The following MYH2 variants were observed in gnomAD, a reference collection of about 807,000 sequenced individuals.
MYH2 encodes the protein myosin heavy chain 2.
MYH2 carries 139 observed loss-of-function variants against 228.1 expected under a neutral mutation model. The observed-to-expected ratio is 0.61, with a 90% CI of 0.53 to 0.70. The LOEUF is 0.70. Among genes scored for constraint, MYH2 ranks in the 30% least tolerant of loss-of-function variants. The pLI is 0.00. For synonymous variants in MYH2, 796 were observed against 871.1 expected, an observed-to-expected ratio of 0.91 and a Z score of 1.52; for missense variants, 1,809 against 2,357.5, an observed-to-expected ratio of 0.77 and a Z score of 4.82.
Position 10,531,788 on chromosome 17 carries a change from TCTTCAACAGAGG to T in MYH2, c.2530_2541del (p.Pro844_Lys847del). The stretch of plus-strand genomic sequence containing the variant: ...GCCATCTCCTTCTCAGTTTCTGCAC[TCTTCAACAGAGG>T]CTTGATCTTGAAGAAGAGTTTCATC... On this transcript the variant is annotated inframe_deletion, in exon 22 of 40. Transcript: ENST00000245503. The T allele has an allele frequency of 6.2e-7, 1 of 1,614,252 alleles. No homozygotes were observed.
Position 10,524,535 on chromosome 17 carries a change from C to G in MYH2, c.5106G>C (p.Glu1702Asp), listed in dbSNP as rs748252077. The change falls in exon 35 of 40, where the codon GAG becomes GAC. Residue 1702 changes from glutamate to aspartate, a missense_variant. This residue lies in a region of MYH2 where 278 missense variants were observed against 308.5 expected (regional missense o/e 0.90). Coordinates refer to ENST00000245503, the MANE Select transcript of MYH2 (RefSeq NM_017534.6). This position sits in a 1 kb window ranked among gnomAD's most constrained non-coding sequence, Gnocchi z 4.7. Reference sequence around the variant, plus strand: ...CCTGTTCTGCGATTTTTCTGCTCCTCTCTGTCTGTTCCAGAGTGGCCCGCA... The same window carrying G: ...CCTGTTCTGCGATTTTTCTGCTCCTGTCTGTCTGTTCCAGAGTGGCCCGCA... ...EELRATLEQT[E>D]RSRKIAEQEL... 3.1e-6 allele frequency: 5 copies of G among 1,614,230 alleles called. No homozygotes were observed. Among genetic ancestry groups the G allele is most frequent in the East Asian group, 4.5e-5 (2 of 44,880 alleles).
chr17:10,539,510 T>C lies in MYH2; in HGVS notation c.1200A>G (p.Lys400=). ...LQSLNSADLL[K]ALCYPRVKVG... ...CCTTGACCCTGGGGTAGCAGAGAGC[T>C]TTGAGCAGATCTGCAGAGTTCAGAC... Residue 400 remains lysine, a synonymous_variant, in exon 13 of 40, where the codon AAA becomes AAG. Coordinates refer to ENST00000245503, the MANE Select transcript of MYH2 (RefSeq NM_017534.6). 6.2e-7 allele frequency: 1 copy of C among 1,614,146 alleles called. No individual in the cohort carries two copies. The highest frequency in any genetic ancestry group is 8.5e-7 in the Non-Finnish European group (1 of 1,180,032).
intron 10 of MYH2, among the ~76,000 whole-genome samples, chr17:10,541,402 C>T (rs374780398): frequency 6.6e-6 from 1 of 152,262 alleles, no homozygotes; most frequent in East Asian, 1.9e-4. Context: ...GCCTGGTCTC[C>T]TTTAGCGCTC....
intron 14 of MYH2, among the ~76,000 whole-genome samples, chr17:10,538,372 T>C (rs2073507935): frequency 6.6e-6 from 1 of 152,072 alleles, no homozygotes; most frequent in Admixed American, 6.5e-5. Flanking sequence ...TACATTTGTA[T>C]TTTTAAAAAT....
intron 14 of MYH2, among the ~76,000 whole-genome samples, chr17:10,538,077 C>A (rs1480122102): frequency 6.6e-6 from 1 of 152,112 alleles, no homozygotes; most frequent in Non-Finnish European, 1.5e-5. Context: ...TCTTTTCCTG[C>A]ATTTGCTTAA....
In MYH2 at chr17:10,543,094, T is replaced by C. The variant is rs747226428; in HGVS notation, c.805+4A>G. 1 of 1,610,474 alleles carries C rather than the reference T, an allele frequency of 6.2e-7. No homozygotes were observed. Among genetic ancestry groups the C allele is most frequent in the Non-Finnish European group, 8.5e-7 (1 of 1,176,968 alleles). ...AATGATTTTAAAGATATCTGAACAC[T>C]TACATGTTTCAATATCAGCAGATGC... On this transcript the variant is annotated splice_donor_region_variant and intron_variant, in intron 9 of 39. Coordinates refer to ENST00000245503, the MANE Select transcript of MYH2 (RefSeq NM_017534.6).
chr17:10,525,433 A>C lies in MYH2; in HGVS notation c.4537+18T>G. 1 of 1,614,188 alleles carries C rather than the reference A, an allele frequency of 6.2e-7. No homozygotes were observed. The highest frequency in any genetic ancestry group is 8.5e-7 in the Non-Finnish European group (1 of 1,180,020). ...TTCTTCCAAGTTATGAATATTATTG[A>C]ATATGATAGGGACTTACGCTGTAAG... On this transcript the variant is annotated intron_variant, in intron 32 of 39. Coordinates refer to ENST00000245503, the MANE Select transcript of MYH2 (RefSeq NM_017534.6). The surrounding 1 kb of genome is among the most constrained non-coding windows in gnomAD (Gnocchi z 4.2).
chr17:10,521,776 AG>A (rs2073288565), intron 39 of MYH2, among the ~76,000 whole-genome samples: 2 of 152,080 alleles, frequency 1.3e-5, no homozygotes, highest in African/African-American at 4.8e-5. Flanking sequence ...CCCTTGAGTT[AG>A]ATTTTTTTTA....
chr17:10,540,205 G>T, intron 11 of MYH2, 139 bp from the exon 12 acceptor site: 1 of 1,214,950 alleles, frequency 8.2e-7, no homozygotes, highest in East Asian at 2.4e-5. Context: ...GGTATATAGA[G>T]AGTTGGTCAA....
At position 10,548,048 on chromosome 17, in the gene MYH2, G is replaced by A. The variant is rs185500527; in HGVS notation, c.-20-108C>T. 2.8e-4 allele frequency: 266 copies of A among 940,024 alleles called. No homozygotes were observed. The African/African-American group carries it at 4.0e-3, about 14-fold the overall frequency. The allele number at this position is 940,024 out of a possible 1,614,324, so 58.2% of individuals were successfully genotyped here. On this transcript the variant is annotated intron_variant, in intron 2 of 39. Coordinates refer to ENST00000245503, the MANE Select transcript of MYH2 (RefSeq NM_017534.6). ...GCCCAGTTGGAAATTCCACTAGACAGGTCTACTGTTCACCATACTATAGTT... is the reference window on the plus strand; with the variant it reads ...GCCCAGTTGGAAATTCCACTAGACAAGTCTACTGTTCACCATACTATAGTT...
intron 22 of MYH2, 113 bp from the exon 23 acceptor site, chr17:10,530,187 C>G: frequency 6.3e-7 from 1 of 1,580,056 alleles, no homozygotes; most frequent in Non-Finnish European, 8.7e-7. Flanking sequence ...CATTTGTTTA[C>G]TCCTTCACAA....
Position 10,525,368 on chromosome 17 carries a change from C to A in MYH2, c.4538-20G>T. On this transcript the variant is annotated intron_variant, in intron 32 of 39. Transcript: ENST00000245503. The surrounding 1 kb of genome is among the most constrained non-coding windows in gnomAD (Gnocchi z 4.2). Reference sequence around the variant, plus strand: ...TCTCCTCTGTTGTTTGAGTAAAAGACAGGTAGGGATTTGGTTAAACATGTG... The same window carrying A: ...TCTCCTCTGTTGTTTGAGTAAAAGAAAGGTAGGGATTTGGTTAAACATGTG... The A allele has an allele frequency of 1.2e-6, 2 of 1,614,096 alleles. No homozygotes were observed. Among genetic ancestry groups the A allele is most frequent in the Non-Finnish European group, 1.7e-6 (2 of 1,180,004 alleles).
chr17:10,526,901 T>C (rs772352645), intron 29 of MYH2, 37 bp downstream of exon 29: 14 of 1,613,136 alleles, frequency 8.7e-6, no homozygotes, highest in Non-Finnish European at 1.2e-5. Flanking sequence ...TAGAATCAGC[T>C]CATGAGGGAA....
In MYH2 at chr17:10,528,840, C is replaced by T. The variant is rs754257987; in HGVS notation, c.3594G>A (p.Leu1198=). ...TLQHEATAAT[L]RKKHADSVAE... Reference sequence around the variant, plus strand: ...CCACACTATCTGCATGCTTCTTCCTCAGGGTGGCCGCTGTGGCTTCATGCT... The same window carrying T: ...CCACACTATCTGCATGCTTCTTCCTTAGGGTGGCCGCTGTGGCTTCATGCT... The change falls in exon 27 of 40, where the codon CTG becomes CTA. Residue 1198 remains leucine (L), a synonymous_variant. Transcript: ENST00000245503. 1.2e-6 allele frequency: 2 copies of T among 1,614,224 alleles called. No individual in the cohort carries two copies. The highest frequency in any genetic ancestry group is 2.2e-5 in the South Asian group (2 of 91,084).
At position 10,539,242 on chromosome 17, in the gene MYH2, A is replaced by C; in HGVS notation, c.1379T>G (p.Ile460Ser). 1 of 1,614,200 alleles carries C rather than the reference A, an allele frequency of 6.2e-7. No homozygotes were observed. Among genetic ancestry groups the C allele is most frequent in the South Asian group, 1.1e-5 (1 of 91,086 alleles). ...AAAACCAGCAATGTCCAAGACCCCG[A>C]TGAAGTACTGCCTGGGCTGCTTGGT... ...LDTKQPRQYF[I>S]GVLDIAGFEI... Residue 460 changes from isoleucine to serine, a missense_variant, in exon 14 of 40, where the codon ATC (isoleucine) becomes AGC (serine). Ile to Ser is a moderately radical substitution (Grantham distance 142). Coordinates refer to ENST00000245503, the MANE Select transcript of MYH2 (RefSeq NM_017534.6).
At position 10,537,441 on chromosome 17, in the gene MYH2, A is replaced by G; in HGVS notation, c.1689T>C (p.Ser563=). The G allele has an allele frequency of 6.2e-7, 1 of 1,614,202 alleles. No individual in the cohort carries two copies. Among genetic ancestry groups the G allele is most frequent in the South Asian group, 1.1e-5 (1 of 91,090 alleles). The change falls in exon 16 of 40, where the codon TCT becomes TCC. Residue 563 remains serine (S), a synonymous_variant. Transcript: ENST00000245503. This position sits in a 1 kb window ranked among gnomAD's most constrained non-coding sequence, Gnocchi z 4.0. ...CCACCTTGGGCTTCTGGAAGTTGGC[A>G]GACTTGCCCAGGTGCTGGTCATACA... is the stretch of plus-strand genomic sequence containing the variant. ...NKLYDQHLGK[S]ANFQKPKVVK...
Position 10,521,271 on chromosome 17 carries a change from A to G in MYH2, c.*9T>C. On this transcript the variant is annotated 3_prime_UTR_variant, in exon 40 of 40. Coordinates refer to ENST00000245503, the MANE Select transcript of MYH2 (RefSeq NM_017534.6). ...CTGTCTTCAGTCATTCCATGGCATC[A>G]GGACATGATCACTCTTCACTTATGA... 1.2e-6 allele frequency: 2 copies of G among 1,613,332 alleles called. No homozygotes were observed.
chr17:10,547,344 C>G lies in MYH2; in HGVS notation c.348+131G>C, dbSNP rs542193191. ...GTGCTTTACGATAGCAATCATGAAG[C>G]CTTTTAACTAGTTATGCTGCAATGA... is the stretch of plus-strand genomic sequence containing the variant. On this transcript the variant is annotated intron_variant, in intron 4 of 39. Transcript: ENST00000245503. The G allele has an allele frequency of 5.1e-4, 618 of 1,208,436 alleles. 1 individual carries two copies. Among genetic ancestry groups the G allele is most frequent in the Non-Finnish European group, 6.7e-4 (546 of 813,344 alleles). 74.9% of individuals were successfully genotyped at this position (1,208,436 alleles called of 1,614,324 possible). A position where few individuals can be genotyped will look rare whatever the true frequency, so the allele number is the denominator to read the frequency against.
At chr17:10,540,559 C>T in intron 11 of MYH2, 35 bp downstream of exon 11, 1 of 1,505,234 alleles carries the variant, frequency 6.6e-7, no homozygotes, top group East Asian at 2.3e-5. Flanking sequence ...CTCTGACCCA[C>T]CATAATAATT....
Sources: gnomAD v4.1 joint callset for allele counts (sites outside exome capture counted in the v4.1 genomes callset) on GRCh38, gnomAD v4.1.1 for gene constraint, gnomAD v4.1.1 regional missense constraint, Gnocchi (gnomAD v3.1) non-coding constraint, MANE v1.5 for transcripts, NCBI Gene and HGNC (gene_info 2026-07-23, HGNC 2026-07-21) for gene names.